The following DMAC2 variants were observed in gnomAD, a reference collection of about 807,000 sequenced individuals.
The protein encoded by DMAC2 is distal membrane arm assembly component 2.
DMAC2 carries 32 observed loss-of-function variants against 29.6 expected under a neutral mutation model. The observed-to-expected ratio is 1.08, with a 90% confidence interval of 0.81 to 1.45. The LOEUF (loss-of-function observed/expected upper bound fraction) is 1.45, where lower values mean the gene tolerates loss of function less well. Among genes scored for constraint, DMAC2 ranks in the 40% most tolerant of loss-of-function variants. The pLI is 0.00. For synonymous variants in DMAC2, 133 were observed against 137.4 expected (o/e 0.97, Z 0.23); for missense variants, 319 against 340.0 (o/e 0.94, Z 0.49).
At position 41,433,692 on chromosome 19, in the gene DMAC2, G is replaced by A; in HGVS notation, c.297-19C>T. 1.9e-6 allele frequency: 3 copies of A among 1,614,078 alleles called. No individual in the cohort carries two copies. The highest frequency in any genetic ancestry group is 1.6e-4 in the Middle Eastern group (1 of 6,062). ...TCGAAACCTGGAAACGGGAAAGGGAGTGTCAGCAGGGCACCTGAACCTGCC... is the reference window on the plus strand; with the variant it reads ...TCGAAACCTGGAAACGGGAAAGGGAATGTCAGCAGGGCACCTGAACCTGCC... On this transcript the variant is annotated intron_variant, in intron 3 of 5. Transcript: ENST00000221943.
chr19:41,439,167 T>C, intron 1 of DMAC2: 1 of 301,930 alleles, frequency 3.3e-6, no homozygotes, highest in Non-Finnish European at 6.2e-6. Flanking sequence ...AATTTTGCTT[T>C]CAAGGTCTCC....
At chr19:41,433,930 C>T (rs55986560) in intron 3 of DMAC2, among the ~76,000 whole-genome samples, 65,994 of 150,958 alleles carry the variant, frequency 0.44, 14,674 homozygotes, top group East Asian at 0.57. Context: ...AGACCTCGTC[C>T]CTATGAAAAA....
chr19:41,435,007 CA>C (rs200031507), intron 3 of DMAC2, among the ~76,000 whole-genome samples: 259 of 135,048 alleles, frequency 1.9e-3, no homozygotes, highest in Middle Eastern at 3.9e-3. Flanking sequence ...ACTCTTGTCT[CA>C]AAAAAAAAAA....
In DMAC2 at chr19:41,439,896, C is replaced by T; in HGVS notation, c.4G>A (p.Ala2Thr). 1 of 1,614,216 alleles carries T rather than the reference C, an allele frequency of 6.2e-7. No individual in the cohort carries two copies. The highest frequency in any genetic ancestry group is 1.1e-5 in the South Asian group (1 of 91,086). Residue 2 changes from alanine to threonine, a missense_variant, in exon 1 of 6, where the codon GCG becomes ACG. Coordinates refer to ENST00000221943, the MANE Select transcript of DMAC2 (RefSeq NM_018035.3). ...CGGTCACTTACCGCCCAGGGAGCCG[C>T]CATCTTGCTAAGGTTTCGTAACCGG... M[A>T]APWASLRLVA...
intron 1 of DMAC2, chr19:41,438,946 ATT>A (rs11347788): frequency 0.039 from 4,916 of 127,498 alleles, 220 homozygotes; most frequent in African/African-American, 0.12. Flanking sequence ...TATTTTTGTG[ATT>A]TTTTTTTTTT....
chr19:41,433,663 T>C lies in DMAC2; in HGVS notation c.307A>G (p.Lys103Glu), dbSNP rs1555770308. The stretch of plus-strand genomic sequence containing the variant: ...TACTTATCTGGCCTGATCCACTCCT[T>C]GTCTCGAAACCTGGAAACGGGAAAG... The part of the protein sequence containing the change: ...KQGGAVKFRD[K>E]EWIRPDKYGH... Residue 103 changes from lysine to glutamate, a missense_variant, in exon 4 of 6, where the codon AAG becomes GAG. Physicochemically the swap from Lys to Glu is moderately conservative, Grantham distance 56. Transcript: ENST00000221943. 28 of 1,614,112 alleles carry C rather than the reference T, an allele frequency of 1.7e-5. No individual in the cohort carries two copies. The highest frequency in any genetic ancestry group is 2.2e-5 in the South Asian group (2 of 91,094).
At chr19:41,434,592 A>T (rs2039759886) in intron 3 of DMAC2, among the ~76,000 whole-genome samples, 1 of 152,064 alleles carries the variant, frequency 6.6e-6, no homozygotes, top group Non-Finnish European at 1.5e-5. Flanking sequence ...CTCAAACCAG[A>T]TGGAGGGGTA....
intron 1 of DMAC2, 118 bp downstream of exon 1, chr19:41,439,764 C>T: frequency 6.5e-7 from 1 of 1,537,584 alleles, no homozygotes; most frequent in East Asian, 2.3e-5. Context: ...ACGGGGCTTG[C>T]CAGGCTTAGC....
chr19:41,434,760 T>A (rs1051372580), intron 3 of DMAC2, among the ~76,000 whole-genome samples: 3 of 151,954 alleles, frequency 2.0e-5, no homozygotes, highest in Non-Finnish European at 4.4e-5. Context: ...TCCCCAGCAC[T>A]TTGGGAGGCC....
intron 1 of DMAC2, 96 bp from the exon 2 acceptor site, chr19:41,438,510 T>G: frequency 1.9e-6 from 2 of 1,047,306 alleles, no homozygotes; most frequent in Non-Finnish European, 2.7e-6. Context: ...TCAATCCCTC[T>G]GCTTCCCAAC....
chr19:41,432,674 G>GTGTGTGTGTGTA (rs1349870222), intron 5 of DMAC2: 21,803 of 363,386 alleles, frequency 0.06, 959 homozygotes, highest in South Asian at 0.09. Flanking sequence ...GTGTGTGTGT[G>GTGTGTGTGTGTA]TGTATAGGGA....
In DMAC2 at chr19:41,431,413, C is replaced by T; in HGVS notation, c.*818G>A. 1 of 462,278 alleles carries T rather than the reference C, an allele frequency of 2.2e-6. No individual in the cohort carries two copies. The highest frequency in any genetic ancestry group is 5.7e-5 in the East Asian group (1 of 17,480). The allele number at this position is 462,278 out of a possible 1,614,324, so 28.6% of individuals were successfully genotyped here. On this transcript the variant is annotated 3_prime_UTR_variant, in exon 6 of 6. Coordinates refer to ENST00000221943, the MANE Select transcript of DMAC2 (RefSeq NM_018035.3). The stretch of plus-strand genomic sequence containing the variant: ...CACTGGTAAAATGCTTCTGAATTGA[C>T]TGGAAATCCATTTGGGGTGCTGGGG...
intron 1 of DMAC2, among the ~76,000 whole-genome samples, 160 bp from the exon 2 acceptor site, chr19:41,438,574 T>A (rs2039992850): frequency 6.6e-6 from 1 of 152,176 alleles, no homozygotes; most frequent in South Asian, 2.1e-4. Context: ...ATTCCAAAAA[T>A]TTCCCCATGT....
rs782089993 is a variant in DMAC2 at position 41,438,328 on chromosome 19, C to T, written c.105G>A (p.Gln35=). 8.7e-6 allele frequency: 14 copies of T among 1,614,134 alleles called. No individual in the cohort carries two copies. The African/African-American group carries it at 1.6e-4, about 18-fold the overall frequency. ...LGAAVAPEGN[Q]KKKRTILQFL... ...ACTGGAGTATTGTCCTTTTCTTCTT[C>T]TGATTGCCCTCTGGGGCCACTGCCG... Residue 35 remains glutamine, a synonymous_variant, in exon 2 of 6, where the codon CAG becomes CAA. Transcript: ENST00000221943.
chr19:41,433,709 G>A (rs782696045), intron 3 of DMAC2, 36 bp from the exon 4 acceptor site: 1 of 1,613,444 alleles, frequency 6.2e-7, no homozygotes, highest in Non-Finnish European at 8.5e-7. Context: ...CAGGGCACCT[G>A]AACCTGCCCC....
chr19:41,434,118 C>G (rs1555770480), intron 3 of DMAC2, among the ~76,000 whole-genome samples: 1 of 152,044 alleles, frequency 6.6e-6, no homozygotes, highest in African/African-American at 2.4e-5. Context: ...GCCTGTACTC[C>G]CAGCTTCTTG....
chr19:41,432,880 GTGCGTGCGTGCA>G, intron 5 of DMAC2: 1 of 530,666 alleles, frequency 1.9e-6, no homozygotes, highest in Admixed American at 3.6e-5. Flanking sequence ...GTGTGTGTGT[GTGCGTGCGTGCA>G]TGCGTGCATG....
At position 41,432,391 on chromosome 19, in the gene DMAC2, T is replaced by A. The variant is rs782238272; in HGVS notation, c.614A>T (p.Asp205Val). Residue 205 changes from aspartate (D) to valine (V), a missense_variant, in exon 6 of 6, where the codon GAC (aspartate) becomes GTC (valine). Asp to Val is a radical substitution (Grantham distance 152, BLOSUM62 -3). Transcript: ENST00000221943. ...LHHLQNLRRL[D>V]ISDLPAVSNP... ...GGACACGGCAGGGAGGTCCGAGATG[T>A]CCAGCCTGCGGAGGTTCCTGAAAAG... 3.7e-6 allele frequency: 6 copies of A among 1,613,684 alleles called. No individual in the cohort carries two copies. Among genetic ancestry groups the A allele is most frequent in the Middle Eastern group, 1.6e-4 (1 of 6,084 alleles).
intron 1 of DMAC2, 24 bp downstream of exon 1, chr19:41,439,858 G>A (rs782685279): frequency 4.3e-6 from 7 of 1,614,142 alleles, no homozygotes; most frequent in South Asian, 1.1e-5. Context: ...CAAATTTGGG[G>A]CTCTAGGAAC....
Sources: allele counts gnomAD v4.1 joint callset (sites outside exome capture counted in the v4.1 genomes callset), GRCh38; gene constraint gnomAD v4.1.1; transcripts MANE v1.5; gene names NCBI Gene and HGNC (gene_info 2026-07-23, HGNC 2026-07-21).